Variants in KLF12 observed in about 807,000 individuals in gnomAD.
KLF12 encodes the protein Krueppel-like factor 12.
Under a neutral mutation model 37.8 loss-of-function variants are expected in KLF12, and 9 were observed. The observed-to-expected ratio is 0.24, with a 90% CI of 0.14 to 0.42. KLF12 has a LOEUF of 0.42. Ranked by LOEUF, KLF12 falls within the 10% of genes least tolerant of loss-of-function variation. KLF12 has a pLI of 1.00. For synonymous variants in KLF12, 208 were observed against 202.1 expected, an observed-to-expected ratio of 1.03 and a Z score of -0.25; for missense variants, 411 against 516.0, an observed-to-expected ratio of 0.80 and a Z score of 1.97.
At position 74,003,729 on chromosome 13, in the gene KLF12, C is replaced by T. The variant is rs561771573; in HGVS notation, c.-31-8676G>A. Among the ~76,000 whole-genome samples, 217 of 152,254 alleles carry T rather than the reference C, an allele frequency of 1.4e-3. 2 individuals carry two copies. The highest frequency in any genetic ancestry group is 5.0e-3 in the African/African-American group (209 of 41,560). On this transcript the variant is annotated intron_variant, in intron 1 of 7. Coordinates refer to ENST00000377669, the MANE Select transcript of KLF12 (RefSeq NM_007249.5). ...ATATGAATCAATGAAAATATGCTTA[C>T]AGATGGTGTTTCTGCACATGTACAC...
intron 3 of KLF12, among the ~76,000 whole-genome samples, chr13:73,916,238 C>T (rs1888830473): frequency 1.4e-5 from 1 of 70,976 alleles, no homozygotes; most frequent in African/African-American, 4.5e-5. Flanking sequence ...CACACACACA[C>T]ACGCACACGC....
chr13:74,108,853 AT>A (rs1240471253), intron 1 of KLF12, among the ~76,000 whole-genome samples: 2 of 152,178 alleles, frequency 1.3e-5, no homozygotes, highest in Admixed American at 6.5e-5. Context: ...AAAAGGAAGA[AT>A]TTGTCTTGTC....
chr13:73,878,700 T>C (rs369278769), intron 3 of KLF12, among the ~76,000 whole-genome samples: 71 of 151,592 alleles, frequency 4.7e-4, no homozygotes, highest in African/African-American at 1.7e-3. Context: ...GAGGTGCTAC[T>C]GAGATTGGGT....
chr13:74,081,798 G>A (rs977471723), intron 1 of KLF12, among the ~76,000 whole-genome samples: 21 of 152,160 alleles, frequency 1.4e-4, no homozygotes, highest in African/African-American at 5.1e-4. Flanking sequence ...GCCAGAGAAT[G>A]TCAGAAAATA....
intron 1 of KLF12, among the ~76,000 whole-genome samples, chr13:74,021,574 T>G (rs1044432400): frequency 7.2e-5 from 11 of 152,292 alleles, no homozygotes; most frequent in African/African-American, 2.4e-4. Context: ...GAGAGCTGAC[T>G]GCACACATCT....
chr13:73,823,367 CCA>C (rs1883645370), intron 4 of KLF12, among the ~76,000 whole-genome samples: 1 of 151,736 alleles, frequency 6.6e-6, no homozygotes, highest in African/African-American at 2.4e-5. Flanking sequence ...AAATGATTTA[CCA>C]CAGAAGGGTT....
intron 3 of KLF12, among the ~76,000 whole-genome samples, chr13:73,869,162 T>C (rs1886342348): frequency 6.6e-6 from 1 of 152,166 alleles, no homozygotes; most frequent in Non-Finnish European, 1.5e-5. Context: ...AAGTCCTTAA[T>C]TTAGACCTTT....
intron 2 of KLF12, among the ~76,000 whole-genome samples, chr13:73,982,939 C>T (rs1420924787): frequency 6.6e-6 from 1 of 151,650 alleles, no homozygotes; most frequent in African/African-American, 2.4e-5. Context: ...TAATCATACT[C>T]TTTAACACTT....
chr13:74,242,872 C>CG, the KLF12 span, among the ~76,000 whole-genome samples: 1 of 152,128 alleles, frequency 6.6e-6, no homozygotes, highest in Middle Eastern at 3.2e-3. Flanking sequence ...TCTGGGCACT[C>CG]GGGGAAGTTG....
intron 1 of KLF12, among the ~76,000 whole-genome samples, chr13:74,114,962 T>G (rs187527010): frequency 6.6e-6 from 1 of 152,300 alleles, no homozygotes; most frequent in Admixed American, 6.5e-5. Flanking sequence ...GAGAAGGATC[T>G]AGGTTGCATG....
chr13:73,772,149 CCTGT>C (rs781382232), intron 5 of KLF12, among the ~76,000 whole-genome samples: 141 of 103,214 alleles, frequency 1.4e-3, no homozygotes, highest in Non-Finnish European at 2.7e-3. Context: ...ATATATACAA[CCTGT>C]CTATCTTTTA....
At chr13:73,800,277 A>G (rs548386625) in intron 5 of KLF12, 3 of 152,112 alleles carry the variant, frequency 2.0e-5, no homozygotes, top group Non-Finnish European at 4.4e-5. Flanking sequence ...ACATTATGAA[A>G]TTAAGACAAA....
At chr13:73,885,493 C>A (rs1457392580) in intron 3 of KLF12, among the ~76,000 whole-genome samples, 6 of 152,230 alleles carry the variant, frequency 3.9e-5, no homozygotes, top group African/African-American at 1.4e-4. Flanking sequence ...CTTCTGCATT[C>A]ACACTTGCCC....
intron 1 of KLF12, among the ~76,000 whole-genome samples, chr13:74,008,177 TAAAACA>T (rs1892463873): frequency 6.6e-6 from 1 of 152,224 alleles, no homozygotes; most frequent in Non-Finnish European, 1.5e-5. Context: ...TTTATTTCAC[TAAAACA>T]AAAACTTTCC....
chr13:73,829,156 G>A (rs190578128), intron 4 of KLF12, among the ~76,000 whole-genome samples: 138 of 152,242 alleles, frequency 9.1e-4, no homozygotes, highest in Admixed American at 3.0e-3. Context: ...GGTACTGTAC[G>A]TTGTGCATGT....
At chr13:73,896,445 T>C (rs1410284956) in intron 3 of KLF12, among the ~76,000 whole-genome samples, 2 of 152,160 alleles carry the variant, frequency 1.3e-5, no homozygotes, top group Non-Finnish European at 2.9e-5. Context: ...CTGAGGATGA[T>C]GGATGAACCC....
intron 4 of KLF12, among the ~76,000 whole-genome samples, chr13:73,830,121 T>C (rs1884073425): frequency 6.6e-6 from 1 of 152,288 alleles, no homozygotes; most frequent in African/African-American, 2.4e-5. Context: ...AAACACATAA[T>C]TGGAGGTTAT....
At chr13:74,275,878 C>CATCT in the KLF12 span, among the ~76,000 whole-genome samples, 4 of 52,986 alleles carry the variant, frequency 7.5e-5, no homozygotes, top group African/African-American at 2.6e-4. Context: ...ATCTTTCTTT[C>CATCT]TTCTTTCTTT....
intron 3 of KLF12, among the ~76,000 whole-genome samples, chr13:73,906,742 T>C (rs1888319223): frequency 1.3e-5 from 2 of 152,222 alleles, no homozygotes; most frequent in Admixed American, 6.5e-5. Context: ...GATTGTGACC[T>C]GCCTGATCTT....
Sources: allele counts gnomAD v4.1 joint callset (sites outside exome capture counted in the v4.1 genomes callset), GRCh38; gene constraint gnomAD v4.1.1; transcripts MANE v1.5; gene names NCBI Gene and HGNC (gene_info 2026-07-23, HGNC 2026-07-21).